Variants in RUVBL1 observed in about 807,000 individuals in gnomAD.
RUVBL1 encodes the protein RuvB like AAA ATPase 1, also known as ruvB-like 1.
A neutral mutation model predicts 52.4 loss-of-function variants in RUVBL1; 4 were observed. The observed-to-expected ratio is 0.08, with a 90% confidence interval of 0.04 to 0.17. The LOEUF (loss-of-function observed/expected upper bound fraction) is 0.17. Among genes scored for constraint, RUVBL1 ranks in the 10% least tolerant of loss-of-function variants. The pLI is 1.00. For synonymous variants in RUVBL1, 217 were observed against 214.4 expected, an observed-to-expected ratio of 1.01 and a Z score of -0.10; for missense variants, 298 against 572.8, an observed-to-expected ratio of 0.52 and a Z score of 4.90.
rs991692537 is a variant in RUVBL1 at position 128,067,007 on chromosome 3, C to T, written c.940-1787G>A. The T allele has an allele frequency of 6.2e-7, 1 of 1,614,210 alleles. No homozygotes were observed. ...CGGCCCGCTACCGTGGCCAGTACAA[C>T]ACCTATCCCATCAAGCTCTTCTATA... On this transcript the variant is annotated intron_variant, in intron 9 of 9. Transcript: ENST00000464873. This position sits in a 1 kb window ranked among gnomAD's most constrained non-coding sequence, Gnocchi z 4.1.
At chr3:128,064,903 G>A (rs1264880359) in exon 10 of RUVBL1, 3 of 1,611,044 alleles carry the variant, frequency 1.9e-6, no homozygotes, top group Admixed American at 1.7e-5. Flanking sequence ...TGCTATCATC[G>A]CACTTTTCCA....
chr3:128,104,758 C>A lies in RUVBL1; in HGVS notation c.513+15G>T. ...GGGAGAGTCAAGGGAAAAGAGGCCACATACATGTACTCACTTTCAACTGTT... is the reference window on the plus strand; with the variant it reads ...GGGAGAGTCAAGGGAAAAGAGGCCAAATACATGTACTCACTTTCAACTGTT... On this transcript the variant is annotated intron_variant, in intron 4 of 10. Coordinates refer to ENST00000322623, the MANE Select transcript of RUVBL1 (RefSeq NM_003707.3). 6.3e-7 allele frequency: 1 copy of A among 1,591,670 alleles called. No homozygotes were observed. Among genetic ancestry groups the A allele is most frequent in the African/African-American group, 1.3e-5 (1 of 74,768 alleles).
rs752918536 is a variant in RUVBL1, at chr3:128,069,458, C to T, written c.940-4238G>A. 17 of 1,605,388 alleles carry T rather than the reference C, an allele frequency of 1.1e-5. No individual in the cohort carries two copies. The highest frequency in any genetic ancestry group is 3.4e-4 in the Middle Eastern group (2 of 5,820). On this transcript the variant is annotated intron_variant, in intron 9 of 9. Transcript: ENST00000464873. ...AGCTCTGTGGGTGTCCAGGAGCTGA[C>T]TGTGTCCCCTCCCCCAGGTACATCC... is the stretch of plus-strand genomic sequence containing the variant.
chr3:128,145,964 T>A (rs1048149931), intron 1 of RUVBL1, among the ~76,000 whole-genome samples: 1 of 151,900 alleles, frequency 6.6e-6, no homozygotes, highest in Non-Finnish European at 1.5e-5. Flanking sequence ...AAGCAGATAA[T>A]GAGGAATGAA....
intron 9 of RUVBL1, among the ~76,000 whole-genome samples, chr3:128,087,091 G>A (rs1334995792): frequency 3.3e-5 from 5 of 152,248 alleles, no homozygotes; most frequent in African/African-American, 1.2e-4. Context: ...AAGCCCTCAA[G>A]GACTCTATTG....
chr3:128,095,890 CACT>C (rs1942957764), intron 8 of RUVBL1, among the ~76,000 whole-genome samples: 2 of 152,166 alleles, frequency 1.3e-5, no homozygotes, highest in Non-Finnish European at 2.9e-5. Flanking sequence ...CCAGAGAGTA[CACT>C]ACAGGTGCAT....
chr3:128,113,723 C>A (rs1474646655), intron 2 of RUVBL1, among the ~76,000 whole-genome samples: 1 of 152,062 alleles, frequency 6.6e-6, no homozygotes, highest in Non-Finnish European at 1.5e-5. Context: ...ATACGTGGAA[C>A]CCACAGATAG....
In RUVBL1 at chr3:128,082,731, TGCCG is replaced by T. The variant is rs1942517378; in HGVS notation, c.1120-161_1120-158del. The stretch of plus-strand genomic sequence containing the variant: ...CAGGGAGCCAACGCCTGCCCAGCAC[TGCCG>T]GCCCGGCACCCTCCAGGAGGCATGT... On this transcript the variant is annotated intron_variant, in intron 9 of 10. Transcript: ENST00000322623. The surrounding 1 kb of genome is among the most constrained non-coding windows in gnomAD (Gnocchi z 4.7). 1 of 608,062 alleles carries T rather than the reference TGCCG, an allele frequency of 1.6e-6. No individual in the cohort carries two copies. The highest frequency in any genetic ancestry group is 2.9e-6 in the Non-Finnish European group (1 of 348,924). 37.7% of individuals were successfully genotyped at this position (608,062 alleles called of 1,614,324 possible).
Position 128,089,527 on chromosome 3 carries a change from C to A in RUVBL1, c.1017-1719G>T, listed in dbSNP as rs1055382651. ...ATATTTGGTTTCAAAAACAAGTAAG[C>A]ATGCTAAAAATTTAACTTTAGTAAA... On this transcript the variant is annotated intron_variant, in intron 8 of 10. Coordinates refer to ENST00000322623, the MANE Select transcript of RUVBL1 (RefSeq NM_003707.3). 2.6e-5 allele frequency among the ~76,000 whole-genome samples: 4 copies of A among 152,314 alleles called. No individual in the cohort carries two copies. The East Asian group carries it at 7.7e-4, about 29-fold the overall frequency.
chr3:128,112,365 G>A (rs1215687056), intron 3 of RUVBL1, among the ~76,000 whole-genome samples: 1 of 152,164 alleles, frequency 6.6e-6, no homozygotes, highest in Non-Finnish European at 1.5e-5. Flanking sequence ...AGGAGGGAAG[G>A]CCTGGCTCAT....
chr3:128,087,685 G>C, intron 9 of RUVBL1, 21 bp downstream of exon 9: 1 of 1,582,604 alleles, frequency 6.3e-7, no homozygotes, highest in South Asian at 1.1e-5. Flanking sequence ...AAGAGAGCAG[G>C]AGGGAAGAAG....
rs990977451 is a variant in RUVBL1 at position 128,067,520 on chromosome 3, G to C, written c.940-2300C>G. 5.0e-6 allele frequency: 8 copies of C among 1,614,036 alleles called. No homozygotes were observed. The African/African-American group carries it at 6.7e-5, about 13-fold the overall frequency. On this transcript the variant is annotated intron_variant, in intron 9 of 9. Transcript: ENST00000464873. This position sits in a 1 kb window ranked among gnomAD's most constrained non-coding sequence, Gnocchi z 4.1. The stretch of plus-strand genomic sequence containing the variant: ...TTTTGGCTCCGTGTTAGAAGACCCG[G>C]TCCATGCAGTTGTATACATAGTGTT...
At chr3:128,148,436 T>G (rs1016527221) in intron 1 of RUVBL1, among the ~76,000 whole-genome samples, 13 of 152,132 alleles carry the variant, frequency 8.5e-5, no homozygotes, top group African/African-American at 3.1e-4. Flanking sequence ...TCATTCACTG[T>G]GATGGGAGTG....
downstream of RUVBL1, among the ~76,000 whole-genome samples, chr3:128,080,076 G>C (rs1942427881): frequency 6.6e-6 from 1 of 152,200 alleles, no homozygotes. Context: ...CCAGTAAGGT[G>C]CACTGCCCAG....
At chr3:128,133,970 G>C (rs1032741412) in intron 1 of RUVBL1, among the ~76,000 whole-genome samples, 1 of 152,052 alleles carries the variant, frequency 6.6e-6, no homozygotes, top group African/African-American at 2.4e-5. Context: ...ATTCAAAATA[G>C]CTCTTTTGAG....
At chr3:128,089,650 G>A (rs1408171741) in intron 8 of RUVBL1, among the ~76,000 whole-genome samples, 1 of 152,106 alleles carries the variant, frequency 6.6e-6, no homozygotes, top group Admixed American at 6.5e-5. Context: ...TGCTAGCACA[G>A]GATGAACCCT....
intron 1 of RUVBL1, among the ~76,000 whole-genome samples, chr3:128,150,128 T>C (rs1167330117): frequency 6.6e-6 from 1 of 152,174 alleles, no homozygotes; most frequent in African/African-American, 2.4e-5. Context: ...TTAATAAGCA[T>C]CCTCCTCCCT....
rs150470834 is a variant in RUVBL1, at chr3:128,120,551, T to C, written c.142-1137A>G. On this transcript the variant is annotated intron_variant, in intron 1 of 10. Coordinates refer to ENST00000322623, the MANE Select transcript of RUVBL1 (RefSeq NM_003707.3). ...GAAAGTTACACTAGCTGAGCATCTA[T>C]ATCTCAGGATTACATAATATAAGGT... 7.2e-5 allele frequency among the ~76,000 whole-genome samples: 11 copies of C among 152,302 alleles called. No homozygotes were observed. The East Asian group carries it at 1.4e-3, about 19-fold the overall frequency.
At chr3:128,153,302 T>A (rs1944283097) in exon 1 of RUVBL1, 2 of 1,362,146 alleles carry the variant, frequency 1.5e-6, no homozygotes, top group African/African-American at 3.1e-5. Context: ...AAACCCTGCC[T>A]ACGGTGACCT....
Sources: gnomAD v4.1 joint callset for allele counts (sites outside exome capture counted in the v4.1 genomes callset) on GRCh38, gnomAD v4.1.1 for gene constraint, Gnocchi (gnomAD v3.1) non-coding constraint, MANE v1.5 for transcripts, NCBI Gene and HGNC (gene_info 2026-07-23, HGNC 2026-07-21) for gene names.